The following PBK variants were observed in gnomAD, a reference collection of about 807,000 sequenced individuals.
The protein encoded by PBK is lymphokine-activated killer T-cell-originated protein kinase.
PBK carries 22 observed loss-of-function variants against 33.5 expected under a neutral mutation model. The ratio of observed to expected loss-of-function variants is 0.66; its 90% confidence interval spans 0.47 to 0.94. The LOEUF (loss-of-function observed/expected upper bound fraction) is 0.94, where lower values mean the gene tolerates loss of function less well. Ranked by LOEUF, PBK falls within the 40% of genes least tolerant of loss-of-function variation. PBK has a pLI of 0.00. For missense variants in PBK, 376 were observed against 383.4 expected, an observed-to-expected ratio of 0.98 and a Z score of 0.16; for synonymous variants, 129 against 123.8, an observed-to-expected ratio of 1.04 and a Z score of -0.28.
In PBK at chr8:27,810,266, C is replaced by G. The variant is rs764168548; in HGVS notation, c.*39G>C. On this transcript the variant is annotated 3_prime_UTR_variant, in exon 8 of 8. Coordinates refer to ENST00000301905, the MANE Select transcript of PBK (RefSeq NM_018492.4). Reference sequence around the variant, plus strand: ...AACTATGTAAATATTTTGGAATAAACAGTTATTTACGCAAGCCACACTTCA... The same window carrying G: ...AACTATGTAAATATTTTGGAATAAAGAGTTATTTACGCAAGCCACACTTCA... The G allele has an allele frequency of 6.7e-6, 9 of 1,353,338 alleles. No homozygotes were observed. The highest frequency in any genetic ancestry group is 9.5e-6 in the Non-Finnish European group (9 of 952,138). 83.8% of individuals were successfully genotyped at this position (1,353,338 alleles called of 1,614,324 possible).
intron 3 of PBK, among the ~76,000 whole-genome samples, chr8:27,826,007 C>G (rs1461303997): frequency 4.6e-5 from 7 of 152,158 alleles, no homozygotes; most frequent in Admixed American, 4.6e-4. Flanking sequence ...ATCCCCACAT[C>G]CACTCATGTC....
chr8:27,823,995 A>G (rs923098592), intron 3 of PBK, among the ~76,000 whole-genome samples: 1 of 151,932 alleles, frequency 6.6e-6, no homozygotes, highest in African/African-American at 2.4e-5. Context: ...AGAACACAAA[A>G]CAAGAGATTG....
chr8:27,813,846 T>C (rs893964999), intron 6 of PBK, among the ~76,000 whole-genome samples: 2 of 152,210 alleles, frequency 1.3e-5, no homozygotes, highest in Admixed American at 6.5e-5. Flanking sequence ...TTAGACTGAA[T>C]TGGCTAATAT....
At chr8:27,813,947 G>T (rs962147716) in intron 6 of PBK, among the ~76,000 whole-genome samples, 10 of 151,694 alleles carry the variant, frequency 6.6e-5, no homozygotes, top group Admixed American at 3.3e-4. Context: ...TACATAGCAG[G>T]TGTACATGTT....
Position 27,833,152 on chromosome 8 carries a change from G to C in PBK, c.-20-19C>G. 1 of 1,335,490 alleles carries C rather than the reference G, an allele frequency of 7.5e-7. No individual in the cohort carries two copies. The highest frequency in any genetic ancestry group is 1.0e-6 in the Non-Finnish European group (1 of 953,026). 82.7% of individuals were successfully genotyped at this position (1,335,490 alleles called of 1,614,324 possible). On this transcript the variant is annotated intron_variant, in intron 1 of 7. Transcript: ENST00000301905. ...CTCAGTCCTACGATGAAAACAAATT[G>C]CAAGTTACACAGCAGATATAAAGAA...
At chr8:27,819,538 G>T (rs1805879538) in intron 6 of PBK, among the ~76,000 whole-genome samples, 1 of 151,914 alleles carries the variant, frequency 6.6e-6, no homozygotes, top group African/African-American at 2.4e-5. Flanking sequence ...CAAATTTCTA[G>T]ATTTACAGCA....
chr8:27,836,356 G>A (rs1232848310), intron 1 of PBK, among the ~76,000 whole-genome samples: 1 of 152,058 alleles, frequency 6.6e-6, no homozygotes, highest in Non-Finnish European at 1.5e-5. Flanking sequence ...CTACTCAACT[G>A]TAGTCACAGT....
intron 2 of PBK, among the ~76,000 whole-genome samples, chr8:27,828,744 CAAAAAAAA>C (rs34388320): frequency 1.6e-4 from 13 of 82,608 alleles, no homozygotes; most frequent in African/African-American, 3.3e-4. Context: ...GACACAGTCT[CAAAAAAAA>C]AAAAAAAAAA....
intron 3 of PBK, among the ~76,000 whole-genome samples, chr8:27,826,574 A>G (rs990930774): frequency 1.4e-5 from 2 of 145,682 alleles, no homozygotes; most frequent in Non-Finnish European, 3.0e-5. Context: ...AGGCGGGCGG[A>G]TCACGAGGTC....
chr8:27,815,117 G>A (rs1052867118), intron 6 of PBK, among the ~76,000 whole-genome samples: 1 of 152,126 alleles, frequency 6.6e-6, no homozygotes, highest in African/African-American at 2.4e-5. Context: ...CTCCAGAACT[G>A]AAGGAAAGTT....
chr8:27,820,433 GAA>G (rs1279775741), intron 6 of PBK, 130 bp downstream of exon 6: 22 of 595,488 alleles, frequency 3.7e-5, no homozygotes, highest in South Asian at 1.5e-4. Flanking sequence ...GGGAGAGAGA[GAA>G]AAAAAGGGGA....
At chr8:27,820,824 ATTTT>A (rs71553893) in intron 5 of PBK, 130 bp from the exon 6 acceptor site, 5 of 384,994 alleles carry the variant, frequency 1.3e-5, no homozygotes, top group African/African-American at 4.5e-5. Context: ...GCGTTTCAAA[ATTTT>A]TTTTTTTTTT....
chr8:27,824,005 G>C (rs987569251), intron 3 of PBK, among the ~76,000 whole-genome samples: 2 of 151,996 alleles, frequency 1.3e-5, no homozygotes, highest in African/African-American at 4.8e-5. Context: ...ACAAGAGATT[G>C]AATCAAAGAT....
In PBK at chr8:27,833,036, T is replaced by C; in HGVS notation, c.58+20A>G. 2 of 1,422,244 alleles carry C rather than the reference T, an allele frequency of 1.4e-6. No individual in the cohort carries two copies. The highest frequency in any genetic ancestry group is 2.5e-5 in the South Asian group (2 of 81,328). The allele number at this position is 1,422,244 out of a possible 1,614,324, so 88.1% of individuals were successfully genotyped here. On this transcript the variant is annotated intron_variant, in intron 2 of 7. Coordinates refer to ENST00000301905, the MANE Select transcript of PBK (RefSeq NM_018492.4). ...GAAACAACAATAGTAAAAAAAAAAA[T>C]CTTACATCTGCTATCTTACCAGATT...
At chr8:27,818,009 C>T (rs1397602960) in intron 6 of PBK, among the ~76,000 whole-genome samples, 1 of 152,166 alleles carries the variant, frequency 6.6e-6, no homozygotes, top group Non-Finnish European at 1.5e-5. Context: ...TAAATAGCAA[C>T]ATGCAGCTCA....
chr8:27,819,661 C>G (rs780929966), intron 6 of PBK, among the ~76,000 whole-genome samples: 1 of 152,050 alleles, frequency 6.6e-6, no homozygotes, highest in Non-Finnish European at 1.5e-5. Context: ...TGCAGAGGTA[C>G]TTGCCTTACT....
intron 6 of PBK, among the ~76,000 whole-genome samples, chr8:27,816,161 A>G (rs889802552): frequency 1.8e-4 from 27 of 151,924 alleles, no homozygotes; most frequent in Non-Finnish European, 4.4e-5. Flanking sequence ...TTGTATCATA[A>G]CTGTCATCTT....
chr8:27,825,956 T>A (rs1806016385), intron 3 of PBK, among the ~76,000 whole-genome samples: 1 of 152,164 alleles, frequency 6.6e-6, no homozygotes, highest in African/African-American at 2.4e-5. Flanking sequence ...TTTAAAATAA[T>A]GTCTCAGAAA....
At position 27,820,549 on chromosome 8, in the gene PBK, TAA is replaced by T; in HGVS notation, c.595+14_595+15del. ...GTATTAAAAACAAAATTTTAAAACT[TAA>T]GAGTACAACTTACCAGTCATATTTT... On this transcript the variant is annotated intron_variant, in intron 6 of 7. Transcript: ENST00000301905. The T allele has an allele frequency of 2.7e-6, 4 of 1,488,916 alleles. No homozygotes were observed. The highest frequency in any genetic ancestry group is 2.7e-6 in the Non-Finnish European group (3 of 1,091,168). 92.2% of individuals were successfully genotyped at this position (1,488,916 alleles called of 1,614,324 possible). A position where few individuals can be genotyped will look rare whatever the true frequency, so the allele number is the denominator to read the frequency against.
Sources: allele counts gnomAD v4.1 joint callset (sites outside exome capture counted in the v4.1 genomes callset), GRCh38; gene constraint gnomAD v4.1.1; transcripts MANE v1.5; gene names NCBI Gene and HGNC (gene_info 2026-07-23, HGNC 2026-07-21).